Variants in DPYD observed in about 807,000 individuals in gnomAD.
DPYD encodes dihydropyrimidine dehydrogenase, also known as dihydropyrimidine dehydrogenase [NADP(+)].
In DPYD, 109 loss-of-function variants were observed where a neutral mutation model predicts 116.2. That is an observed-to-expected ratio of 0.94 (90% CI 0.80 to 1.10). The LOEUF (loss-of-function observed/expected upper bound fraction) is 1.10. DPYD is among the 50% of genes least tolerant of loss of function. The pLI, the probability that DPYD is intolerant of heterozygous loss-of-function variation, is 0.00. For synonymous variants in DPYD, 440 were observed against 432.0 expected (o/e 1.02, Z -0.23); for missense variants, 1,302 against 1,254.5 (o/e 1.04, Z -0.57).
At chr1:97,153,018 A>T (rs1655148909) in intron 20 of DPYD, among the ~76,000 whole-genome samples, 3 of 152,122 alleles carry the variant, frequency 2.0e-5, no homozygotes, top group Admixed American at 2.0e-4. Context: ...GGCTCTATGG[A>T]GAAGCCTTCT....
intron 17 of DPYD, 29 bp downstream of exon 17, chr1:97,306,148 C>G: frequency 6.2e-7 from 1 of 1,611,514 alleles, no homozygotes; most frequent in Non-Finnish European, 8.5e-7. Flanking sequence ...TTTACAATAG[C>G]GGGCAACTGA....
At chr1:97,338,669 G>A (rs1314495288) in intron 16 of DPYD, among the ~76,000 whole-genome samples, 1 of 152,138 alleles carries the variant, frequency 6.6e-6, no homozygotes, top group African/African-American at 2.4e-5. Flanking sequence ...GACCTAGAGA[G>A]TCTTAGGTCC....
intron 14 of DPYD, among the ~76,000 whole-genome samples, chr1:97,384,566 G>A (rs1002548447): frequency 1.9e-4 from 29 of 152,198 alleles, no homozygotes; most frequent in African/African-American, 6.5e-4. Context: ...AGATTAAGTA[G>A]AAATGGATAC....
chr1:97,320,312 A>G (rs1233762664), intron 16 of DPYD, among the ~76,000 whole-genome samples: 2 of 126,746 alleles, frequency 1.6e-5, no homozygotes, highest in East Asian at 4.7e-4. Context: ...TGCAGACGAC[A>G]TGATTGTTTA....
intron 16 of DPYD, among the ~76,000 whole-genome samples, chr1:97,335,333 CACACACACACACG>C (rs1669231209): frequency 6.9e-6 from 1 of 145,458 alleles, no homozygotes; most frequent in South Asian, 2.3e-4. Flanking sequence ...CACACACACA[CACACACACACACG>C]ATGCCTGGGA....
intron 20 of DPYD, among the ~76,000 whole-genome samples, chr1:97,175,960 C>A (rs1032125232): frequency 6.6e-6 from 1 of 152,162 alleles, no homozygotes; most frequent in African/African-American, 2.4e-5. Flanking sequence ...CTGCAGCAGT[C>A]TGGAACACAT....
intron 12 of DPYD, among the ~76,000 whole-genome samples, chr1:97,537,069 A>G (rs1382124418): frequency 2.0e-5 from 3 of 152,194 alleles, no homozygotes; most frequent in Non-Finnish European, 4.4e-5. Context: ...TGATAATGAT[A>G]ACAAGTGTCT....
chr1:97,469,643 T>A (rs1264243380), intron 13 of DPYD, among the ~76,000 whole-genome samples: 1 of 152,160 alleles, frequency 6.6e-6, no homozygotes, highest in Non-Finnish European at 1.5e-5. Context: ...AATTAAACTA[T>A]ACTAAAGGTT....
At chr1:97,336,751 A>AAAAC (rs1280958566) in intron 16 of DPYD, among the ~76,000 whole-genome samples, 1 of 152,222 alleles carries the variant, frequency 6.6e-6, no homozygotes, top group Non-Finnish European at 1.5e-5. Flanking sequence ...ACTCCATCTC[A>AAAAC]AAACAAACAA....
chr1:97,719,165 CAAAAAAAAAAA>C (rs1005459699), intron 5 of DPYD, among the ~76,000 whole-genome samples: 19 of 48,220 alleles, frequency 3.9e-4, no homozygotes, highest in Admixed American at 3.8e-3. Flanking sequence ...CCAACCCTGC[CAAAAAAAAAAA>C]AAAAAAAAAA....
intron 13 of DPYD, among the ~76,000 whole-genome samples, chr1:97,464,972 T>C (rs2101833925): frequency 6.6e-6 from 1 of 152,116 alleles, no homozygotes; most frequent in East Asian, 1.9e-4. Flanking sequence ...CACCAGACCA[T>C]GAACACAGCC....
At chr1:97,415,757 T>C (rs1674256271) in intron 14 of DPYD, among the ~76,000 whole-genome samples, 1 of 152,222 alleles carries the variant, frequency 6.6e-6, no homozygotes, top group Non-Finnish European at 1.5e-5. Context: ...TCATCCATTC[T>C]CTGTGATAAA....
chr1:97,450,525 C>T lies in DPYD; in HGVS notation c.1741-302G>A, dbSNP rs889856516. ...GGGCATACTCATTTTAATTTGTTTG[C>T]AATTAAATAATAAAAATATGATAGG... On this transcript the variant is annotated intron_variant, in intron 13 of 22. Coordinates refer to ENST00000370192, the MANE Select transcript of DPYD (RefSeq NM_000110.4). Among the ~76,000 whole-genome samples the T allele has an allele frequency of 8.2e-4, 124 of 151,914 alleles. 1 individual carries two copies. Among genetic ancestry groups the T allele is most frequent in the African/African-American group, 3.0e-3 (124 of 41,486 alleles).
At chr1:97,709,701 T>A (rs1662179909) in intron 5 of DPYD, among the ~76,000 whole-genome samples, 1 of 151,840 alleles carries the variant, frequency 6.6e-6, no homozygotes, top group Admixed American at 6.6e-5. Context: ...ACAGAAATAG[T>A]ATAATTTTCT....
chr1:97,882,295 T>A (rs975204209), intron 2 of DPYD, among the ~76,000 whole-genome samples: 2 of 151,978 alleles, frequency 1.3e-5, no homozygotes, highest in Non-Finnish European at 2.9e-5. Flanking sequence ...TTTCTTTTTC[T>A]TTTTTCATTC....
At chr1:97,606,511 C>T (rs1156350269) in intron 8 of DPYD, among the ~76,000 whole-genome samples, 1 of 151,820 alleles carries the variant, frequency 6.6e-6, no homozygotes, top group African/African-American at 2.4e-5. Flanking sequence ...GTATAAGCTT[C>T]ATATACAAGG....
chr1:97,493,926 T>C (rs2786779), intron 13 of DPYD, among the ~76,000 whole-genome samples: 27,471 of 152,098 alleles, frequency 0.18, 2,653 homozygotes, highest in East Asian at 0.25. Flanking sequence ...TCAGTCTTTG[T>C]TGAGTATCTG....
At chr1:97,902,470 G>A (rs1673416055) in intron 1 of DPYD, among the ~76,000 whole-genome samples, 1 of 151,740 alleles carries the variant, frequency 6.6e-6, no homozygotes, top group Admixed American at 6.6e-5. Context: ...TGGATTTACT[G>A]GGTAAAACTG....
chr1:97,889,120 G>T (rs1027356454), intron 1 of DPYD, among the ~76,000 whole-genome samples: 1 of 151,986 alleles, frequency 6.6e-6, no homozygotes, highest in Non-Finnish European at 1.5e-5. Context: ...TCACGCCACT[G>T]CACTCCAGCC....
Sources: allele counts gnomAD v4.1 joint callset (sites outside exome capture counted in the v4.1 genomes callset), GRCh38; gene constraint gnomAD v4.1.1; transcripts MANE v1.5; gene names NCBI Gene and HGNC (gene_info 2026-07-23, HGNC 2026-07-21).